Variants in GRM5 observed in about 807,000 individuals in gnomAD.
GRM5 encodes metabotropic glutamate receptor 5.
GRM5 carries 19 observed loss-of-function variants against 83.1 expected under a neutral mutation model. That is an observed-to-expected ratio of 0.23 (90% confidence interval 0.16 to 0.34). The LOEUF (loss-of-function observed/expected upper bound fraction) is 0.34, where lower values mean the gene tolerates loss of function less well. GRM5 is among the 10% of genes least tolerant of loss of function. The pLI is 1.00. For synonymous variants in GRM5, 675 were observed against 633.6 expected, an observed-to-expected ratio of 1.07 and a Z score of -0.98; for missense variants, 1,160 against 1,588.3, an observed-to-expected ratio of 0.73 and a Z score of 4.58.
intron 8 of GRM5, among the ~76,000 whole-genome samples, chr11:88,561,882 A>G (rs2135163037): frequency 6.6e-6 from 1 of 152,180 alleles, no homozygotes; most frequent in South Asian, 2.1e-4. Flanking sequence ...TTCACAGAAA[A>G]TTGTTGGATC....
intron 2 of GRM5, among the ~76,000 whole-genome samples, chr11:88,904,114 A>C (rs972702633): frequency 3.3e-5 from 5 of 152,296 alleles, no homozygotes; most frequent in African/African-American, 1.2e-4. Flanking sequence ...CATTAAAAAG[A>C]TAACATTCGG....
chr11:88,659,373 T>C (rs187799373), intron 3 of GRM5, among the ~76,000 whole-genome samples: 47 of 152,328 alleles, frequency 3.1e-4, no homozygotes, highest in African/African-American at 1.1e-3. Context: ...CATATGCAAC[T>C]GGCTTGAATG....
intron 9 of GRM5, among the ~76,000 whole-genome samples, chr11:88,517,877 C>T (rs761782387): frequency 3.9e-5 from 6 of 152,000 alleles, no homozygotes; most frequent in Non-Finnish European, 8.8e-5. Flanking sequence ...ACTGAATTAT[C>T]TACAAAAACT....
intron 3 of GRM5, among the ~76,000 whole-genome samples, chr11:88,778,565 G>C (rs567312809): frequency 1.3e-5 from 2 of 152,238 alleles, no homozygotes; most frequent in South Asian, 2.1e-4. Flanking sequence ...GACTGGAGCT[G>C]TTCCTATTTG....
chr11:88,821,890 T>C (rs11021458), intron 3 of GRM5, among the ~76,000 whole-genome samples: 3,863 of 152,260 alleles, frequency 0.025, 172 homozygotes, highest in African/African-American at 0.089. Flanking sequence ...AATACATTCT[T>C]GGTGAAGAAT....
At chr11:88,590,005 G>A (rs1937611180) in intron 7 of GRM5, among the ~76,000 whole-genome samples, 1 of 151,956 alleles carries the variant, frequency 6.6e-6, no homozygotes, top group Admixed American at 6.6e-5. Context: ...ATAGACTGGA[G>A]AACATGATGA....
At chr11:88,770,749 G>A (rs1942718037) in intron 3 of GRM5, among the ~76,000 whole-genome samples, 1 of 152,038 alleles carries the variant, frequency 6.6e-6, no homozygotes, top group Non-Finnish European at 1.5e-5. Flanking sequence ...AAATTGATAG[G>A]GGTTACATTT....
chr11:88,658,383 C>T (rs1565174941), intron 3 of GRM5, among the ~76,000 whole-genome samples: 1 of 152,232 alleles, frequency 6.6e-6, no homozygotes, highest in South Asian at 2.1e-4. Flanking sequence ...CTAAACCTGA[C>T]CTGAATGGGA....
At chr11:89,036,477 T>C (rs761409116) in intron 2 of GRM5, among the ~76,000 whole-genome samples, 1 of 152,124 alleles carries the variant, frequency 6.6e-6, no homozygotes, top group Admixed American at 6.6e-5. Context: ...AGACAGGTTC[T>C]TGGCAGGAAA....
chr11:88,608,916 C>A (rs1938242630), intron 4 of GRM5, among the ~76,000 whole-genome samples: 2 of 152,196 alleles, frequency 1.3e-5, no homozygotes, highest in East Asian at 1.9e-4. Flanking sequence ...ATTAAATTAA[C>A]AAACTGTCTT....
intron 7 of GRM5, among the ~76,000 whole-genome samples, chr11:88,590,362 C>T (rs1937615847): frequency 6.6e-6 from 1 of 152,138 alleles, no homozygotes; most frequent in South Asian, 2.1e-4. Flanking sequence ...GCCCAGTAGA[C>T]AAGCTAGGAA....
intron 2 of GRM5, among the ~76,000 whole-genome samples, chr11:88,986,757 G>T (rs1324813059): frequency 2.4e-5 from 3 of 123,062 alleles, no homozygotes; most frequent in African/African-American, 9.9e-5. Context: ...TGCACTCTTG[G>T]TATCATATCC....
intron 5 of GRM5, among the ~76,000 whole-genome samples, chr11:88,600,014 A>G (rs1937933171): frequency 6.6e-6 from 1 of 151,732 alleles, no homozygotes; most frequent in Admixed American, 6.6e-5. Context: ...CTGTCTCAAA[A>G]CAAAACAAAA....
At chr11:88,571,114 T>C (rs897525132) in intron 7 of GRM5, among the ~76,000 whole-genome samples, 1 of 152,176 alleles carries the variant, frequency 6.6e-6, no homozygotes, top group Non-Finnish European at 1.5e-5. Context: ...TTCTGCTAAA[T>C]CTTAATTGTT....
chr11:88,597,068 T>G (rs1344423949), intron 6 of GRM5, 116 bp downstream of exon 6: 1 of 604,746 alleles, frequency 1.7e-6, no homozygotes, highest in African/African-American at 1.9e-5. Context: ...TTTCTGACAT[T>G]AGAAGCTTAC....
intron 3 of GRM5, among the ~76,000 whole-genome samples, chr11:88,698,706 G>A (rs556940163): frequency 3.9e-5 from 6 of 152,144 alleles, no homozygotes; most frequent in Non-Finnish European, 7.3e-5. Flanking sequence ...ATAATTTGAT[G>A]AATGTGAATC....
At chr11:88,891,077 C>A (rs1307175041) in intron 2 of GRM5, among the ~76,000 whole-genome samples, 1 of 152,020 alleles carries the variant, frequency 6.6e-6, no homozygotes, top group African/African-American at 2.4e-5. Context: ...GTAAGGCTGT[C>A]TTAAGCCACT....
At chr11:88,879,904 G>A (rs1294296429) in intron 2 of GRM5, among the ~76,000 whole-genome samples, 4 of 152,064 alleles carry the variant, frequency 2.6e-5, no homozygotes, top group Non-Finnish European at 5.9e-5. Flanking sequence ...AGGATGGAAG[G>A]TGGGGTGGGA....
chr11:88,751,072 C>CAA (rs774458890), intron 3 of GRM5, among the ~76,000 whole-genome samples: 1,018 of 46,800 alleles, frequency 0.022, 10 homozygotes, highest in East Asian at 0.043. Flanking sequence ...TAGCAGAAGC[C>CAA]AAAAAAAAAA....
Sources: allele counts gnomAD v4.1 joint callset (sites outside exome capture counted in the v4.1 genomes callset), GRCh38; gene constraint gnomAD v4.1.1; transcripts MANE v1.5; gene names NCBI Gene and HGNC (gene_info 2026-07-23, HGNC 2026-07-21).